GMDS: variants seen among roughly 807,000 people sequenced by gnomAD.
The protein encoded by GMDS is GDP-mannose 4,6 dehydratase.
Under a neutral mutation model 49.9 loss-of-function variants are expected in GMDS, and 20 were observed. The observed-to-expected ratio is 0.40, with a 90% confidence interval of 0.28 to 0.58. The LOEUF (loss-of-function observed/expected upper bound fraction) is 0.58, where lower values mean the gene tolerates loss of function less well. Ranked by LOEUF, GMDS falls within the 20% of genes least tolerant of loss-of-function variation. GMDS has a pLI of 0.42. For synonymous variants in GMDS, 177 were observed against 178.6 expected (o/e 0.99, Z 0.07); for missense variants, 362 against 481.4 (o/e 0.75, Z 2.32).
intron 4 of GMDS, among the ~76,000 whole-genome samples, chr6:1,980,084 A>G (rs1419441908): frequency 6.6e-6 from 1 of 152,240 alleles, no homozygotes; most frequent in Admixed American, 6.5e-5. Flanking sequence ...ACCAGTCACT[A>G]CAAAGACATA....
chr6:1,656,336 A>G (rs188920778), intron 9 of GMDS, among the ~76,000 whole-genome samples: 28 of 152,322 alleles, frequency 1.8e-4, no homozygotes, highest in African/African-American at 6.7e-4. Flanking sequence ...CACGCTGTTC[A>G]CCAGACAGAT....
At position 2,083,760 on chromosome 6, in the gene GMDS, CAT is replaced by C. The variant is rs1253401395; in HGVS notation, c.345+32009_345+32010del. Among the ~76,000 whole-genome samples, 2 of 152,122 alleles carry C rather than the reference CAT, an allele frequency of 1.3e-5. 1 individual carries two copies. Among genetic ancestry groups the C allele is most frequent in the Admixed American group, 1.3e-4 (2 of 15,268 alleles). ...ACTACAGCTTATTGGGTAAGTCCAT[CAT>C]CAACTAATCTGCAAATTATGGTATA... On this transcript the variant is annotated intron_variant, in intron 4 of 10. Transcript: ENST00000380815.
chr6:1,969,660 A>G (rs1050049423), intron 4 of GMDS, among the ~76,000 whole-genome samples: 4 of 152,042 alleles, frequency 2.6e-5, no homozygotes, highest in African/African-American at 9.7e-5. Flanking sequence ...CCCATCTCAG[A>G]GTCTGGGTGT....
chr6:2,152,907 T>A (rs896007976), intron 1 of GMDS, among the ~76,000 whole-genome samples: 3 of 151,972 alleles, frequency 2.0e-5, no homozygotes, highest in Non-Finnish European at 4.4e-5. Context: ...CATACAGGAA[T>A]GTAGTATAAG....
chr6:2,158,486 A>C (rs1777218563), intron 1 of GMDS, among the ~76,000 whole-genome samples: 1 of 152,246 alleles, frequency 6.6e-6, no homozygotes, highest in Non-Finnish European at 1.5e-5. Flanking sequence ...ACCTCAAATA[A>C]ATAATCTAGA....
intron 7 of GMDS, among the ~76,000 whole-genome samples, chr6:1,822,537 C>G (rs1477440992): frequency 6.6e-6 from 1 of 151,880 alleles, no homozygotes; most frequent in Non-Finnish European, 1.5e-5. Context: ...TGAGATAGTT[C>G]AAGAAAAATA....
chr6:1,749,994 G>C (rs1767659129), intron 7 of GMDS, among the ~76,000 whole-genome samples: 1 of 152,040 alleles, frequency 6.6e-6, no homozygotes, highest in African/African-American at 2.4e-5. Context: ...ACCACACTTG[G>C]CTAATGCTTT....
chr6:1,972,995 G>C lies in GMDS; in HGVS notation c.346-12029C>G, dbSNP rs577649913. 1.4e-4 allele frequency among the ~76,000 whole-genome samples: 21 copies of C among 152,270 alleles called. No homozygotes were observed. The Middle Eastern group carries it at 0.01, about 74-fold the overall frequency. ...TCCATGGCGTAAGAAAGGTTAAAAC[G>C]TCCCCTGTAAATCAAGTGGTAGTGA... is the stretch of plus-strand genomic sequence containing the variant. On this transcript the variant is annotated intron_variant, in intron 4 of 10. Transcript: ENST00000380815.
chr6:2,184,976 T>C (rs1443308136), intron 1 of GMDS, among the ~76,000 whole-genome samples: 1 of 152,156 alleles, frequency 6.6e-6, no homozygotes, highest in African/African-American at 2.4e-5. Context: ...GACACTGTTT[T>C]AGGCACTGGA....
rs572596661 is a variant in GMDS, at chr6:2,142,689, T to C, written c.103-17958A>G. Among the ~76,000 whole-genome samples, 6 of 152,272 alleles carry C rather than the reference T, an allele frequency of 3.9e-5. No homozygotes were observed. The South Asian group carries it at 1.0e-3, about 26-fold the overall frequency. Reference sequence around the variant, plus strand: ...CTTGAACCACCCAGTCTGTGGTACTTTGTTATGGCAGCCCTAGTGGACTAA... The same window carrying C: ...CTTGAACCACCCAGTCTGTGGTACTCTGTTATGGCAGCCCTAGTGGACTAA... On this transcript the variant is annotated intron_variant, in intron 1 of 10. Coordinates refer to ENST00000380815, the MANE Select transcript of GMDS (RefSeq NM_001500.4).
At chr6:1,956,927 G>A (rs974934283) in intron 6 of GMDS, among the ~76,000 whole-genome samples, 3 of 151,036 alleles carry the variant, frequency 2.0e-5, no homozygotes, top group Non-Finnish European at 4.4e-5. Context: ...TCAGCCTCCC[G>A]AGTAGCTGGG....
chr6:1,982,891 T>C (rs1011344888), intron 4 of GMDS, among the ~76,000 whole-genome samples: 3 of 152,180 alleles, frequency 2.0e-5, no homozygotes, highest in East Asian at 3.8e-4. Flanking sequence ...AAAATTCATA[T>C]GGAACCAAAA....
At chr6:1,653,203 C>A (rs141702401) in intron 9 of GMDS, among the ~76,000 whole-genome samples, 125 of 152,204 alleles carry the variant, frequency 8.2e-4, no homozygotes, top group African/African-American at 2.9e-3. Flanking sequence ...CTGTACACTG[C>A]CGTAGGAAAA....
chr6:2,022,316 C>G, intron 4 of GMDS, among the ~76,000 whole-genome samples: 1 of 152,178 alleles, frequency 6.6e-6, no homozygotes, highest in East Asian at 1.9e-4. Context: ...GATATAGGAT[C>G]CACACATAGA....
chr6:2,196,107 ACAGT>A (rs919437351), intron 1 of GMDS, among the ~76,000 whole-genome samples: 7 of 152,224 alleles, frequency 4.6e-5, no homozygotes, highest in African/African-American at 1.7e-4. Context: ...ACAGTTCAAA[ACAGT>A]CAATCTTCTA....
At position 1,771,975 on chromosome 6, in the gene GMDS, A is replaced by T. The variant is rs182706449; in HGVS notation, c.772-29389T>A. Reference sequence around the variant, plus strand: ...GAAAGAAAAGGAAGAGCAGGCAAAGAAGGTTTTTGTGTAATTTCCAACAGC... The same window carrying T: ...GAAAGAAAAGGAAGAGCAGGCAAAGTAGGTTTTTGTGTAATTTCCAACAGC... On this transcript the variant is annotated intron_variant, in intron 7 of 10. Transcript: ENST00000380815. Among the ~76,000 whole-genome samples, 315 of 134,746 alleles carry T rather than the reference A, an allele frequency of 2.3e-3. 2 individuals are homozygous for T. The highest frequency in any genetic ancestry group is 6.9e-3 in the African/African-American group (244 of 35,246). 88.4% of individuals were successfully genotyped at this position (134,746 alleles called of 152,430 possible).
At chr6:2,223,531 C>A (rs546577138) in intron 1 of GMDS, among the ~76,000 whole-genome samples, 26 of 151,742 alleles carry the variant, frequency 1.7e-4, no homozygotes, top group African/African-American at 6.3e-4. Flanking sequence ...CCAGGCAGGA[C>A]AAGGTAACTG....
intron 4 of GMDS, among the ~76,000 whole-genome samples, chr6:2,059,220 T>G (rs1370947068): frequency 7.0e-6 from 1 of 142,756 alleles, no homozygotes; most frequent in African/African-American, 2.6e-5. Context: ...TCATGTCCAG[T>G]GTTTCTTTAT....
chr6:2,029,797 T>C (rs1768837494), intron 4 of GMDS, among the ~76,000 whole-genome samples: 1 of 152,164 alleles, frequency 6.6e-6, no homozygotes, highest in Non-Finnish European at 1.5e-5. Flanking sequence ...ATTTAAAATT[T>C]TGACATCAAA....
Sources: gnomAD v4.1 joint callset for allele counts (sites outside exome capture counted in the v4.1 genomes callset) on GRCh38, gnomAD v4.1.1 for gene constraint, MANE v1.5 for transcripts, NCBI Gene and HGNC (gene_info 2026-07-23, HGNC 2026-07-21) for gene names.